ADAMTS19: variants seen among roughly 807,000 people sequenced by gnomAD.
ADAMTS19 encodes A disintegrin and metalloproteinase with thrombospondin motifs 19.
Under a neutral mutation model 153.3 loss-of-function variants are expected in ADAMTS19, and 93 were observed. The observed-to-expected ratio is 0.61, with a 90% CI of 0.51 to 0.72. The LOEUF is 0.72. Among genes scored for constraint, ADAMTS19 ranks in the 30% least tolerant of loss-of-function variants. The pLI is 0.00. For synonymous variants in ADAMTS19, 600 were observed against 556.6 expected (o/e 1.08, Z -1.10); for missense variants, 1,482 against 1,552.1 (o/e 0.95, Z 0.76).
chr5:129,597,467 A>C (rs1750433836), intron 8 of ADAMTS19, among the ~76,000 whole-genome samples: 1 of 152,166 alleles, frequency 6.6e-6, no homozygotes, highest in African/African-American at 2.4e-5. Context: ...AAGCCATTCA[A>C]CTCAGGTCAA....
intron 7 of ADAMTS19, among the ~76,000 whole-genome samples, chr5:129,588,997 A>G (rs1054475305): frequency 1.3e-5 from 2 of 151,754 alleles, no homozygotes; most frequent in Non-Finnish European, 2.9e-5. Context: ...CTAGTTATTA[A>G]TTATAGTTCT....
At chr5:129,606,978 C>T (rs186819312) in intron 8 of ADAMTS19, among the ~76,000 whole-genome samples, 1 of 152,138 alleles carries the variant, frequency 6.6e-6, no homozygotes, top group Non-Finnish European at 1.5e-5. Flanking sequence ...AGTGCAGTGG[C>T]ACCATGTCAG....
chr5:129,519,663 A>G (rs1210067590), intron 3 of ADAMTS19, among the ~76,000 whole-genome samples: 1 of 149,280 alleles, frequency 6.7e-6, no homozygotes, highest in African/African-American at 2.5e-5. Flanking sequence ...AAAAAAAAAG[A>G]GACAGGAAGC....
intron 2 of ADAMTS19, among the ~76,000 whole-genome samples, chr5:129,482,444 A>T (rs1223289083): frequency 6.6e-6 from 1 of 152,202 alleles, no homozygotes; most frequent in Non-Finnish European, 1.5e-5. Context: ...ATAATAGAAG[A>T]TATTTCATGT....
intron 5 of ADAMTS19, 66 bp downstream of exon 5, chr5:129,527,897 T>C (rs1752072600): frequency 2.0e-6 from 2 of 1,017,430 alleles, no homozygotes; most frequent in Non-Finnish European, 3.1e-6. Context: ...AACTTTTAAG[T>C]AAAGGGAATG....
At chr5:129,650,351 C>T (rs1044917829) in intron 13 of ADAMTS19, among the ~76,000 whole-genome samples, 1 of 152,116 alleles carries the variant, frequency 6.6e-6, no homozygotes, top group African/African-American at 2.4e-5. Context: ...ACACTCTTCT[C>T]AATAACCTAA....
chr5:129,558,935 G>T (rs1360669324), intron 7 of ADAMTS19, among the ~76,000 whole-genome samples: 1 of 136,320 alleles, frequency 7.3e-6, no homozygotes, highest in African/African-American at 2.8e-5. Context: ...GAGACAGACA[G>T]ATTTCTTAGA....
At position 129,620,599 on chromosome 5, in the gene ADAMTS19, T is replaced by G. The variant is rs369182850; in HGVS notation, c.1479-19T>G. The G allele has an allele frequency of 7.9e-6, 12 of 1,522,080 alleles. No individual in the cohort carries two copies. In the African/African-American group the frequency reaches 1.5e-4, roughly 20 times the overall value. The allele number at this position is 1,522,080 out of a possible 1,614,324, so 94.3% of individuals were successfully genotyped here. A position where few individuals can be genotyped will look rare whatever the true frequency, so the allele number is the denominator to read the frequency against. On this transcript the variant is annotated intron_variant, in intron 8 of 22. Transcript: ENST00000274487. ...TTTACTTAGTGTAAATTTTAAAATT[T>G]TATTATATTCCAAATCAGCATGGGC...
At chr5:129,539,156 A>G (rs1752566611) in intron 6 of ADAMTS19, among the ~76,000 whole-genome samples, 1 of 152,130 alleles carries the variant, frequency 6.6e-6, no homozygotes, top group South Asian at 2.1e-4. Context: ...CTCCAGAACC[A>G]GTGAATATGC....
chr5:129,659,501 C>T (rs889167462), intron 15 of ADAMTS19, among the ~76,000 whole-genome samples: 2 of 152,128 alleles, frequency 1.3e-5, no homozygotes, highest in African/African-American at 4.8e-5. Context: ...TAGTCTGTTA[C>T]CTGGGCATGT....
chr5:129,469,127 C>G (rs1168687318), intron 2 of ADAMTS19, among the ~76,000 whole-genome samples: 1 of 151,628 alleles, frequency 6.6e-6, no homozygotes, highest in East Asian at 1.9e-4. Context: ...TTCCAAAGTT[C>G]TTTATATATT....
chr5:129,473,460 A>G (rs1750131254), intron 2 of ADAMTS19, among the ~76,000 whole-genome samples: 1 of 152,122 alleles, frequency 6.6e-6, no homozygotes, highest in African/African-American at 2.4e-5. Flanking sequence ...GACTCTGGTT[A>G]TATTCTTACA....
intron 11 of ADAMTS19, among the ~76,000 whole-genome samples, chr5:129,645,850 T>C (rs1461638243): frequency 6.6e-6 from 1 of 151,522 alleles, no homozygotes; most frequent in East Asian, 1.9e-4. Flanking sequence ...GTAAGTAATG[T>C]AGAAGTTTTC....
intron 3 of ADAMTS19, among the ~76,000 whole-genome samples, chr5:129,520,569 T>C (rs1751765586): frequency 6.6e-6 from 1 of 152,056 alleles, no homozygotes; most frequent in African/African-American, 2.4e-5. Context: ...AGGAAGAATT[T>C]GTTTCCACTA....
intron 7 of ADAMTS19, among the ~76,000 whole-genome samples, 177 bp from the exon 8 acceptor site, chr5:129,596,382 G>T (rs1468867969): frequency 2.6e-5 from 4 of 151,426 alleles, no homozygotes; most frequent in Non-Finnish European, 1.5e-5. Flanking sequence ...ACATTTTTTT[G>T]CCTGGCCTAT....
intron 8 of ADAMTS19, among the ~76,000 whole-genome samples, chr5:129,607,526 GT>G (rs1750960111): frequency 6.6e-6 from 1 of 152,168 alleles, no homozygotes; most frequent in African/African-American, 2.4e-5. Context: ...GGAAGAATCA[GT>G]TTGGGTCAAG....
At chr5:129,498,813 TGATCTTTC>T (rs1751009891) in intron 2 of ADAMTS19, among the ~76,000 whole-genome samples, 1 of 149,156 alleles carries the variant, frequency 6.7e-6, no homozygotes, top group African/African-American at 2.5e-5. Flanking sequence ...TTTTTTTTTT[TGATCTTTC>T]TTTGTTTCTT....
rs1275568092 is a variant in ADAMTS19 at position 129,461,800 on chromosome 5, T to G, written c.747+43T>G. 8.1e-6 allele frequency: 12 copies of G among 1,473,288 alleles called. No individual in the cohort carries two copies. The highest frequency in any genetic ancestry group is 1.1e-5 in the Non-Finnish European group (12 of 1,121,614). 91.3% of individuals were successfully genotyped at this position (1,473,288 alleles called of 1,614,324 possible). A position where few individuals can be genotyped will look rare whatever the true frequency, so the allele number is the denominator to read the frequency against. ...CTAGCTCTCCATTTTCCCCTGCTGCTCCTCTCCTTGCCCATAGGTCAGGAT... is the reference window on the plus strand; with the variant it reads ...CTAGCTCTCCATTTTCCCCTGCTGCGCCTCTCCTTGCCCATAGGTCAGGAT... On this transcript the variant is annotated intron_variant, in intron 2 of 22. Transcript: ENST00000274487. The surrounding 1 kb of genome is among the most constrained non-coding windows in gnomAD (Gnocchi z 4.6).
intron 8 of ADAMTS19, 122 bp downstream of exon 8, chr5:129,596,786 G>A (rs565726121): frequency 1.5e-6 from 1 of 664,576 alleles, no homozygotes; most frequent in Middle Eastern, 3.3e-4. Context: ...AAACTAGGGA[G>A]ACAAGAAGGG....
Sources: allele counts gnomAD v4.1 joint callset (sites outside exome capture counted in the v4.1 genomes callset), GRCh38; gene constraint gnomAD v4.1.1; non-coding constraint Gnocchi (gnomAD v3.1); transcripts MANE v1.5; gene names NCBI Gene and HGNC (gene_info 2026-07-23, HGNC 2026-07-21).